C12orf42: variants seen among roughly 807,000 people sequenced by gnomAD.
C12orf42 encodes the protein chromosome 12 open reading frame 42, also known as uncharacterized protein C12orf42.
Under a neutral mutation model 21.6 loss-of-function variants are expected in C12orf42, and 25 were observed. That is an observed-to-expected ratio of 1.16 (90% CI 0.84 to 1.62). C12orf42 has a LOEUF of 1.62. Ranked by LOEUF, C12orf42 falls within the 40% of genes most tolerant of loss-of-function variation. C12orf42 has a pLI of 0.00. For synonymous variants in C12orf42, 174 were observed against 175.0 expected (o/e 0.99, Z 0.05); for missense variants, 483 against 459.3 (o/e 1.05, Z -0.47).
chr12:103,538,347 A>G, the C12orf42 span, among the ~76,000 whole-genome samples: 1 of 152,224 alleles, frequency 6.6e-6, no homozygotes, highest in Non-Finnish European at 1.5e-5. Flanking sequence ...AGAGAGGAAG[A>G]GTGTAACAGA....
At chr12:103,369,667 AAG>A (rs551997109) in intron 3 of C12orf42, among the ~76,000 whole-genome samples, 4 of 152,114 alleles carry the variant, frequency 2.6e-5, no homozygotes, top group Non-Finnish European at 4.4e-5. Flanking sequence ...AAAGAGGAGA[AAG>A]AGCTACAAAG....
At chr12:103,144,737 C>T in the C12orf42 span, among the ~76,000 whole-genome samples, 1 of 152,078 alleles carries the variant, frequency 6.6e-6, no homozygotes, top group Non-Finnish European at 1.5e-5. Flanking sequence ...ATCACATCAT[C>T]CATTTGTATG....
the C12orf42 span, among the ~76,000 whole-genome samples, chr12:103,128,156 G>T: frequency 6.6e-6 from 1 of 152,166 alleles, no homozygotes; most frequent in South Asian, 2.1e-4. Context: ...AATTTGAGGG[G>T]AGGGATCATG....
chr12:103,068,989 AT>A, the C12orf42 span, among the ~76,000 whole-genome samples: 1 of 97,742 alleles, frequency 1.0e-5, no homozygotes, highest in Non-Finnish European at 2.0e-5. Flanking sequence ...ATATATATAT[AT>A]AATCCTATTA....
chr12:103,333,226 G>A (rs541061340), intron 4 of C12orf42, among the ~76,000 whole-genome samples: 8 of 152,250 alleles, frequency 5.3e-5, no homozygotes, highest in African/African-American at 1.4e-4. Context: ...ACCTAGTTTT[G>A]AATTGCTTCT....
chr12:103,206,526 A>T, the C12orf42 span, among the ~76,000 whole-genome samples: 2 of 151,530 alleles, frequency 1.3e-5, no homozygotes, highest in African/African-American at 4.8e-5. Flanking sequence ...TATATTACAC[A>T]CACACACACA....
the C12orf42 span, among the ~76,000 whole-genome samples, chr12:103,521,531 G>A: frequency 6.6e-6 from 1 of 152,060 alleles, no homozygotes; most frequent in African/African-American, 2.4e-5. Flanking sequence ...GGCCTGTTGG[G>A]GTGAGTGGTG....
intron 4 of C12orf42, among the ~76,000 whole-genome samples, chr12:103,346,370 TAC>T (rs1267971151): frequency 6.6e-6 from 1 of 152,216 alleles, no homozygotes; most frequent in African/African-American, 2.4e-5. Context: ...TAATAAAGAA[TAC>T]TCTTTTTACT....
At chr12:103,314,601 T>C (rs1241347000) in intron 4 of C12orf42, among the ~76,000 whole-genome samples, 1 of 152,110 alleles carries the variant, frequency 6.6e-6, no homozygotes, top group East Asian at 1.9e-4. Context: ...AAGGTGAAAG[T>C]CTGAAAAAGA....
downstream of C12orf42, among the ~76,000 whole-genome samples, chr12:103,298,577 A>T (rs2037453088): frequency 6.6e-6 from 1 of 152,182 alleles, no homozygotes; most frequent in Admixed American, 6.5e-5. Context: ...TCTACCAATG[A>T]CTTTCTTCAC....
rs118045213 is a variant in C12orf42, at chr12:103,305,671, G to A, written c.631+303C>T. On this transcript the variant is annotated intron_variant, in intron 5 of 5. Coordinates refer to ENST00000548883, the MANE Select transcript of C12orf42 (RefSeq NM_198521.5). ...AAAATAATATAAAATGCCTAGCACAGTGTCTGGCACATGGTGAAAGCTTAA... is the reference window on the plus strand; with the variant it reads ...AAAATAATATAAAATGCCTAGCACAATGTCTGGCACATGGTGAAAGCTTAA... 5.3e-5 allele frequency among the ~76,000 whole-genome samples: 8 copies of A among 152,322 alleles called. No homozygotes were observed. In the East Asian group the frequency reaches 1.5e-3, roughly 29 times the overall value.
chr12:103,455,975 G>T (rs142312974), intron 2 of C12orf42, among the ~76,000 whole-genome samples: 1 of 152,138 alleles, frequency 6.6e-6, no homozygotes, highest in East Asian at 1.9e-4. Flanking sequence ...CACAGAACAA[G>T]TTAAGGGAAG....
the C12orf42 span, among the ~76,000 whole-genome samples, chr12:103,543,903 G>A: frequency 1.9e-5 from 2 of 103,450 alleles, no homozygotes; most frequent in Admixed American, 9.2e-5. Context: ...TTTGTTTTTT[G>A]TTTTTTTTGA....
chr12:103,196,791 C>G, the C12orf42 span, among the ~76,000 whole-genome samples: 1 of 151,876 alleles, frequency 6.6e-6, no homozygotes, highest in Admixed American at 6.6e-5. Flanking sequence ...CATTCCTTTT[C>G]TTTGAGCTTA....
chr12:103,067,137 T>C, the C12orf42 span, among the ~76,000 whole-genome samples: 12 of 152,172 alleles, frequency 7.9e-5, no homozygotes, highest in African/African-American at 2.9e-4. Context: ...AGGTTGATTA[T>C]ATTGGACCTC....
chr12:103,276,771 G>A (rs2035797066), intron 5 of C12orf42, among the ~76,000 whole-genome samples: 2 of 152,290 alleles, frequency 1.3e-5, no homozygotes, highest in Middle Eastern at 3.4e-3. Flanking sequence ...TGTAGGTTAG[G>A]ATGGCTGTTA....
At chr12:103,507,230 T>TATATATATTATATATAATATATAA in the C12orf42 span, among the ~76,000 whole-genome samples, 1 of 48,886 alleles carries the variant, frequency 2.0e-5, no homozygotes, top group African/African-American at 1.8e-4. Flanking sequence ...TAAATATAAA[T>TATATATATTATATATAATATATAA]ATATATATAT....
chr12:103,087,308 C>T, the C12orf42 span, among the ~76,000 whole-genome samples: 2 of 152,086 alleles, frequency 1.3e-5, no homozygotes, highest in South Asian at 4.1e-4. Context: ...TCATGGTTTG[C>T]TTTGGTGCAG....
the C12orf42 span, among the ~76,000 whole-genome samples, chr12:103,518,783 T>C: frequency 6.6e-6 from 1 of 152,178 alleles, no homozygotes; most frequent in Non-Finnish European, 1.5e-5. Context: ...CATCCTGATC[T>C]CTTTATTATT....
Sources: gnomAD v4.1 joint callset for allele counts (sites outside exome capture counted in the v4.1 genomes callset) on GRCh38, gnomAD v4.1.1 for gene constraint, MANE v1.5 for transcripts, NCBI Gene and HGNC (gene_info 2026-07-23, HGNC 2026-07-21) for gene names.